Variants in GPHN observed in about 807,000 individuals in gnomAD.
GPHN encodes the protein gephyrin.
GPHN carries 17 observed loss-of-function variants against 95.5 expected under a neutral mutation model. That is an observed-to-expected ratio of 0.18 (90% CI 0.12 to 0.27). GPHN has a LOEUF of 0.27. Among genes scored for constraint, GPHN ranks in the 10% least tolerant of loss-of-function variants. The pLI is 1.00. For missense variants in GPHN, 660 were observed against 978.1 expected (o/e 0.67, Z 4.34); for synonymous variants, 320 against 322.5 (o/e 0.99, Z 0.08).
the GPHN span, chr14:67,647,081 C>T: frequency 9.0e-7 from 1 of 1,111,428 alleles, no homozygotes; most frequent in Non-Finnish European, 1.4e-6. Flanking sequence ...ACACTTTTAG[C>T]CTGTTTCTTG....
Position 66,946,497 on chromosome 14 carries a change from C to T in GPHN, c.829-18694C>T, listed in dbSNP as rs191062543. Reference sequence around the variant, plus strand: ...CTCGGCTCGCTGCAAACTCCACCTCCGGGGTTCAAGTGATTCTCCTGCCTC... The same window carrying T: ...CTCGGCTCGCTGCAAACTCCACCTCTGGGGTTCAAGTGATTCTCCTGCCTC... On this transcript the variant is annotated intron_variant, in intron 8 of 22. Coordinates refer to ENST00000478722, the MANE Select transcript of GPHN (RefSeq NM_020806.5). Among the ~76,000 whole-genome samples the T allele has an allele frequency of 1.4e-3, 217 of 152,248 alleles. 1 individual carries two copies. In the Middle Eastern group the frequency reaches 0.024, roughly 17 times the overall value.
chr14:67,107,995 A>G (rs561245962), intron 13 of GPHN, among the ~76,000 whole-genome samples: 68 of 152,320 alleles, frequency 4.5e-4, no homozygotes, highest in African/African-American at 1.5e-3. Context: ...CATACTTTCT[A>G]AGCCTTGCCA....
chr14:66,522,066 T>C (rs547683257), intron 1 of GPHN, among the ~76,000 whole-genome samples: 17 of 152,244 alleles, frequency 1.1e-4, no homozygotes, highest in South Asian at 8.3e-4. Context: ...TGGAATAAGT[T>C]AGGGTGTGGC....
intron 3 of GPHN, among the ~76,000 whole-genome samples, chr14:66,818,498 G>A (rs926794961): frequency 2.0e-5 from 3 of 152,108 alleles, no homozygotes; most frequent in Non-Finnish European, 4.4e-5. Flanking sequence ...TATTCAGTCT[G>A]TCATTGATGG....
chr14:66,561,041 C>T (rs1237303423), intron 1 of GPHN, among the ~76,000 whole-genome samples: 2 of 152,092 alleles, frequency 1.3e-5, no homozygotes, highest in African/African-American at 4.8e-5. Flanking sequence ...TGCTGGATTA[C>T]ATTTATTGAT....
chr14:66,536,629 G>A (rs750067534), intron 1 of GPHN, among the ~76,000 whole-genome samples: 3 of 152,020 alleles, frequency 2.0e-5, no homozygotes, highest in Non-Finnish European at 2.9e-5. Context: ...AGATTGATAC[G>A]TTTCATGTGT....
chr14:67,029,950 A>AT (rs1273660523), intron 10 of GPHN, among the ~76,000 whole-genome samples: 2 of 149,016 alleles, frequency 1.3e-5, no homozygotes, highest in Non-Finnish European at 3.0e-5. Flanking sequence ...TTCCTTTTAA[A>AT]CTATCTGTTT....
the GPHN span, among the ~76,000 whole-genome samples, chr14:67,668,904 A>G: frequency 4.7e-3 from 723 of 152,344 alleles, 9 homozygotes; most frequent in African/African-American, 0.017. Context: ...TATACTGTAA[A>G]TATCATAAAT....
chr14:67,113,685 A>G (rs1449620984), intron 16 of GPHN, among the ~76,000 whole-genome samples: 1 of 152,072 alleles, frequency 6.6e-6, no homozygotes, highest in African/African-American at 2.4e-5. Flanking sequence ...CTCTCTCCCT[A>G]AAGATAGCAT....
At position 66,548,805 on chromosome 14, in the gene GPHN, C is replaced by T. The variant is rs137964258; in HGVS notation, c.64+40214C>T. Among the ~76,000 whole-genome samples the T allele has an allele frequency of 5.5e-3, 844 of 152,298 alleles. 4 individuals are homozygous for T. The highest frequency in any genetic ancestry group is 0.014 in the Middle Eastern group (4 of 294). ...AACTGAGACAGGTGGAAAGGTAGGC[C>T]TCTTGTGCCAAATAGCCAAGTTGTG... is the stretch of plus-strand genomic sequence containing the variant. On this transcript the variant is annotated intron_variant, in intron 1 of 22. Coordinates refer to ENST00000478722, the MANE Select transcript of GPHN (RefSeq NM_020806.5).
At chr14:66,565,665 T>C (rs2060433453) in intron 1 of GPHN, among the ~76,000 whole-genome samples, 1 of 152,182 alleles carries the variant, frequency 6.6e-6, no homozygotes, top group South Asian at 2.1e-4. Context: ...ATAATCAATG[T>C]AAAAGGATTA....
At chr14:67,089,400 G>T (rs61131727) in intron 12 of GPHN, among the ~76,000 whole-genome samples, 1 of 151,850 alleles carries the variant, frequency 6.6e-6, no homozygotes, top group Admixed American at 6.6e-5. Context: ...GAGATATTTA[G>T]ATACAGGCAT....
At chr14:66,767,614 G>A (rs1256666694) in intron 2 of GPHN, among the ~76,000 whole-genome samples, 2 of 151,794 alleles carry the variant, frequency 1.3e-5, no homozygotes, top group African/African-American at 2.4e-5. Flanking sequence ...GGGGAAAATG[G>A]AAATTTGGAA....
chr14:67,538,423 T>C, the GPHN span, among the ~76,000 whole-genome samples: 8 of 152,210 alleles, frequency 5.3e-5, no homozygotes, highest in Non-Finnish European at 1.2e-4. Flanking sequence ...AAGAGAGAAA[T>C]AACACATGCG....
chr14:67,108,645 T>G (rs187853573), intron 13 of GPHN, among the ~76,000 whole-genome samples: 8 of 152,240 alleles, frequency 5.3e-5, no homozygotes, highest in Non-Finnish European at 1.0e-4. Flanking sequence ...TTGTAATAAA[T>G]TTCCTGTTTT....
chr14:66,980,503 T>C (rs1231119916), intron 9 of GPHN, among the ~76,000 whole-genome samples: 4 of 152,204 alleles, frequency 2.6e-5, no homozygotes, highest in African/African-American at 7.2e-5. Context: ...GTTTTATAAT[T>C]TCTTTTTAGA....
In GPHN at chr14:66,668,374, A is replaced by C. The variant is rs145591601; in HGVS notation, c.65-12733A>C. Among the ~76,000 whole-genome samples the C allele has an allele frequency of 6.5e-3, 989 of 152,330 alleles. 7 individuals are homozygous for C. Among genetic ancestry groups the C allele is most frequent in the African/African-American group, 0.023 (943 of 41,560 alleles). ...ACTTATGACAATAGCAAACATATGGAATCAACCCAAGTGCCCATCAATGAT... is the reference window on the plus strand; with the variant it reads ...ACTTATGACAATAGCAAACATATGGCATCAACCCAAGTGCCCATCAATGAT... On this transcript the variant is annotated intron_variant, in intron 1 of 22. Transcript: ENST00000478722.
chr14:67,489,257 A>T, the GPHN span, among the ~76,000 whole-genome samples: 1 of 152,162 alleles, frequency 6.6e-6, no homozygotes, highest in Non-Finnish European at 1.5e-5. Flanking sequence ...AAATCCAAAC[A>T]TTTGATTCAA....
the GPHN span, among the ~76,000 whole-genome samples, chr14:67,574,852 A>C: frequency 5.1e-3 from 780 of 152,300 alleles, 46 homozygotes; most frequent in East Asian, 0.12. The surrounding 1 kb of genome is among the most constrained non-coding windows in gnomAD (Gnocchi z 4.2). Flanking sequence ...TAAACCCAAG[A>C]AAATGGAAGT....
Sources: gnomAD v4.1 joint callset for allele counts (sites outside exome capture counted in the v4.1 genomes callset) on GRCh38, gnomAD v4.1.1 for gene constraint, Gnocchi (gnomAD v3.1) non-coding constraint, MANE v1.5 for transcripts, NCBI Gene and HGNC (gene_info 2026-07-23, HGNC 2026-07-21) for gene names.